Variants in TRIO observed in about 807,000 individuals in gnomAD.
TRIO encodes trio Rho guanine nucleotide exchange factor, also known as triple functional domain protein.
TRIO carries 58 observed loss-of-function variants against 351.9 expected under a neutral mutation model. The ratio of observed to expected loss-of-function variants is 0.16; its 90% CI spans 0.13 to 0.21. The LOEUF is 0.21. TRIO is among the 10% of genes least tolerant of loss of function. The pLI is 1.00. For synonymous variants in TRIO, 1,758 were observed against 1,595.7 expected (o/e 1.10, Z -2.42); for missense variants, 3,201 against 4,027.8 (o/e 0.79, Z 5.56).
rs946511919 is a variant in TRIO at position 14,433,416 on chromosome 5, T to A, written c.5203+13395T>A. 3.3e-5 allele frequency among the ~76,000 whole-genome samples: 5 copies of A among 152,164 alleles called. No individual in the cohort carries two copies. In the South Asian group the frequency reaches 8.3e-4, roughly 25 times the overall value. On this transcript the variant is annotated intron_variant, in intron 34 of 56. Coordinates refer to ENST00000344204, the MANE Select transcript of TRIO (RefSeq NM_007118.4). Reference sequence around the variant, plus strand: ...ATGGGGTAAAGAAACCGGAGAAAACTTCCTCTGAACAGGAGTATCTTTGTG... The same window carrying A: ...ATGGGGTAAAGAAACCGGAGAAAACATCCTCTGAACAGGAGTATCTTTGTG...
chr5:14,357,224 G>A (rs1397520453), intron 11 of TRIO, among the ~76,000 whole-genome samples: 11 of 152,190 alleles, frequency 7.2e-5, no homozygotes, highest in African/African-American at 1.7e-4. Context: ...GGTATCAAGC[G>A]GGAGGTCCCG....
At chr5:14,206,427 A>G (rs1791461801) in intron 1 of TRIO, among the ~76,000 whole-genome samples, 2 of 152,206 alleles carry the variant, frequency 1.3e-5, no homozygotes, top group South Asian at 4.1e-4. Flanking sequence ...TAATTCCTCT[A>G]GATTCTTGCT....
intron 34 of TRIO, among the ~76,000 whole-genome samples, chr5:14,429,007 T>G (rs933629140): frequency 1.3e-5 from 2 of 152,232 alleles, no homozygotes; most frequent in Non-Finnish European, 2.9e-5. Context: ...CAGACTTTGC[T>G]ACTTAGTACA....
intron 1 of TRIO, among the ~76,000 whole-genome samples, chr5:14,175,474 A>T (rs1487526027): frequency 6.6e-6 from 1 of 152,114 alleles, no homozygotes; most frequent in Non-Finnish European, 1.5e-5. Context: ...TAAATTATAC[A>T]TTCTTTGGAG....
intron 1 of TRIO, among the ~76,000 whole-genome samples, chr5:14,170,903 A>G (rs568018018): frequency 2.0e-5 from 3 of 152,230 alleles, no homozygotes; most frequent in Non-Finnish European, 4.4e-5. Flanking sequence ...AGAATAAAAT[A>G]TAAGTACATA....
chr5:14,438,540 G>A (rs1027085546), intron 34 of TRIO, among the ~76,000 whole-genome samples: 2 of 152,072 alleles, frequency 1.3e-5, no homozygotes, highest in Admixed American at 1.3e-4. Context: ...CCACCCTCAC[G>A]GCCATGGTTT....
intron 11 of TRIO, among the ~76,000 whole-genome samples, chr5:14,351,408 G>A (rs928928630): frequency 1.3e-5 from 2 of 152,146 alleles, no homozygotes; most frequent in African/African-American, 4.8e-5. Flanking sequence ...TCCTACTTCT[G>A]CTTCTGACTT....
At chr5:14,209,870 G>A (rs1217095157) in intron 1 of TRIO, among the ~76,000 whole-genome samples, 1 of 152,202 alleles carries the variant, frequency 6.6e-6, no homozygotes, top group African/African-American at 2.4e-5. Context: ...ATTTAGGAGG[G>A]CTTCTGCACA....
chr5:14,437,686 A>ACCCCCCC (rs1164194119), intron 34 of TRIO, among the ~76,000 whole-genome samples: 2 of 99,330 alleles, frequency 2.0e-5, no homozygotes, highest in Admixed American at 1.1e-4. Flanking sequence ...GATGAGGACC[A>ACCCCCCC]CCCCCCCCGC....
At chr5:14,185,816 T>G (rs907783125) in intron 1 of TRIO, among the ~76,000 whole-genome samples, 4 of 152,132 alleles carry the variant, frequency 2.6e-5, no homozygotes, top group Admixed American at 2.6e-4. Flanking sequence ...TTCTCAGATC[T>G]TACCCAGGGA....
intron 1 of TRIO, among the ~76,000 whole-genome samples, chr5:14,165,065 C>T (rs566974726): frequency 1.3e-4 from 20 of 152,306 alleles, no homozygotes; most frequent in African/African-American, 3.6e-4. Context: ...GGATCAAAGC[C>T]GTCCCCTTAC....
chr5:14,475,090 A>G (rs376208980), intron 40 of TRIO, among the ~76,000 whole-genome samples: 1 of 152,178 alleles, frequency 6.6e-6, no homozygotes, highest in African/African-American at 2.4e-5. Flanking sequence ...GGCTGGTGCT[A>G]CGTAGCTCAC....
chr5:14,504,417 A>T lies in TRIO; in HGVS notation c.8436A>T (p.Lys2812Asn). ...LGRGRFSVVKKCDQKGTKRAV... is the reference protein window; with the variant it reads ...LGRGRFSVVKNCDQKGTKRAV... Reference sequence around the variant, plus strand: ...GGGGCAGATTCTCTGTCGTTAAGAAATGTGATCAGAAAGGAACCAAGCGAG... The same window carrying T: ...GGGGCAGATTCTCTGTCGTTAAGAATTGTGATCAGAAAGGAACCAAGCGAG... Residue 2812 changes from lysine to asparagine, a missense_variant, in exon 55 of 57, where the codon AAA becomes AAT. Physicochemically the swap from Lys to Asn is moderately conservative, Grantham distance 94 (BLOSUM62 0). Transcript: ENST00000344204. 1 of 1,614,170 alleles carries T rather than the reference A, an allele frequency of 6.2e-7. No homozygotes were observed. Among genetic ancestry groups the T allele is most frequent in the Non-Finnish European group, 8.5e-7 (1 of 1,180,026 alleles).
intron 2 of TRIO, among the ~76,000 whole-genome samples, chr5:14,278,910 G>A (rs73751325): frequency 0.039 from 5,960 of 152,214 alleles, 380 homozygotes; most frequent in African/African-American, 0.14. Flanking sequence ...GAAAGATCAT[G>A]CAATTTTCTT....
chr5:14,212,332 C>T (rs1198645902), intron 1 of TRIO, among the ~76,000 whole-genome samples: 1 of 152,044 alleles, frequency 6.6e-6, no homozygotes, highest in Non-Finnish European at 1.5e-5. Context: ...GGTGCCTGGG[C>T]TGGTGGCTCC....
chr5:14,151,265 A>G (rs1041966480), intron 1 of TRIO, among the ~76,000 whole-genome samples: 4 of 152,214 alleles, frequency 2.6e-5, no homozygotes, highest in African/African-American at 7.2e-5. Flanking sequence ...TTTAAGACTC[A>G]TAACCATAAA....
At chr5:14,346,292 C>A (rs1742407817) in intron 11 of TRIO, among the ~76,000 whole-genome samples, 1 of 152,220 alleles carries the variant, frequency 6.6e-6, no homozygotes, top group Non-Finnish European at 1.5e-5. Flanking sequence ...CACTTTGGTT[C>A]TTGGTCTCCT....
chr5:14,206,454 T>C (rs971645218), intron 1 of TRIO, among the ~76,000 whole-genome samples: 1 of 152,378 alleles, frequency 6.6e-6, no homozygotes, highest in Non-Finnish European at 1.5e-5. Flanking sequence ...TTGAGGACTT[T>C]GCATCCTCTG....
intron 27 of TRIO, 138 bp downstream of exon 27, chr5:14,391,128 C>A: frequency 1.6e-6 from 1 of 643,092 alleles, no homozygotes. Flanking sequence ...TTTTGTCTAT[C>A]ATGTCTATTG....
Sources: allele counts gnomAD v4.1 joint callset (sites outside exome capture counted in the v4.1 genomes callset), GRCh38; gene constraint gnomAD v4.1.1; transcripts MANE v1.5; gene names NCBI Gene and HGNC (gene_info 2026-07-23, HGNC 2026-07-21).